The following NAV3 variants were observed in gnomAD, a reference collection of about 807,000 sequenced individuals.
The protein encoded by NAV3 is pore membrane and/or filament interacting like protein 1.
NAV3 carries 87 observed loss-of-function variants against 244.7 expected under a neutral mutation model. The ratio of observed to expected loss-of-function variants is 0.36; its 90% CI spans 0.30 to 0.42. The LOEUF (loss-of-function observed/expected upper bound fraction) is 0.42. NAV3 is among the 20% of genes least tolerant of loss of function. The pLI, the probability that NAV3 is intolerant of heterozygous loss-of-function variation, is 1.00. For synonymous variants in NAV3, 1,126 were observed against 1,042.2 expected (o/e 1.08, Z -1.55); for missense variants, 2,663 against 2,893.3 (o/e 0.92, Z 1.83).
At chr12:78,003,835 A>G (rs186086815) in intron 7 of NAV3, among the ~76,000 whole-genome samples, 2 of 152,364 alleles carry the variant, frequency 1.3e-5, no homozygotes, top group East Asian at 1.9e-4. Context: ...CTATTCTCAC[A>G]TCAACTCAGA....
At chr12:77,985,493 T>C (rs1870337528) in intron 5 of NAV3, among the ~76,000 whole-genome samples, 1 of 152,196 alleles carries the variant, frequency 6.6e-6, no homozygotes, top group African/African-American at 2.4e-5. Context: ...GTGATGGCTC[T>C]TCACTGTCAA....
At chr12:77,657,743 C>G (rs1312992449) in intron 2 of NAV3, among the ~76,000 whole-genome samples, 1 of 152,016 alleles carries the variant, frequency 6.6e-6, no homozygotes, top group Non-Finnish European at 1.5e-5. Context: ...GCAGCACATC[C>G]AAAAGCTTAT....
At chr12:77,969,816 C>T (rs566924862) in intron 5 of NAV3, among the ~76,000 whole-genome samples, 5 of 141,796 alleles carry the variant, frequency 3.5e-5, no homozygotes, top group South Asian at 2.4e-4. Flanking sequence ...GGTGACAGAG[C>T]GAGACTCTGT....
Position 78,212,245 on chromosome 12 carries a change from C to T in NAV3, c.*1728C>T, listed in dbSNP as rs576177367. ...TCAGTCATTGGAGAAGTTACCACCACACACAAAGGACAGGTTTTAAGTTTA... is the reference window on the plus strand; with the variant it reads ...TCAGTCATTGGAGAAGTTACCACCATACACAAAGGACAGGTTTTAAGTTTA... On this transcript the variant is annotated 3_prime_UTR_variant, in exon 40 of 40. Transcript: ENST00000397909. 1.3e-5 allele frequency: 2 copies of T among 152,744 alleles called. No homozygotes were observed. Among genetic ancestry groups the T allele is most frequent in the South Asian group, 4.1e-4 (2 of 4,830 alleles). The allele number at this position is 152,744 out of a possible 1,614,324, so 9.5% of individuals were successfully genotyped here.
intron 1 of NAV3, among the ~76,000 whole-genome samples, chr12:77,928,512 C>CG (rs1888458294): frequency 6.6e-6 from 1 of 151,914 alleles, no homozygotes; most frequent in Non-Finnish European, 1.5e-5. Flanking sequence ...TCCTCATTAA[C>CG]GAAAAACTTA....
At chr12:77,813,056 C>T (rs1423292037) in intron 2 of NAV3, among the ~76,000 whole-genome samples, 2 of 152,058 alleles carry the variant, frequency 1.3e-5, no homozygotes, top group East Asian at 3.9e-4. Context: ...CTCCTGGCCT[C>T]AAGTGATCCA....
chr12:77,841,620 A>G (rs1875663104), intron 1 of NAV3, among the ~76,000 whole-genome samples: 1 of 152,244 alleles, frequency 6.6e-6, no homozygotes, highest in Admixed American at 6.5e-5. Context: ...GTTGGAACAC[A>G]GCCCTGATGC....
Position 78,050,820 on chromosome 12 carries a change from T to C in NAV3, c.2189T>C (p.Ile730Thr), listed in dbSNP as rs2137246747. 6.2e-7 allele frequency: 1 copy of C among 1,613,494 alleles called. No individual in the cohort carries two copies. Among genetic ancestry groups the C allele is most frequent in the Non-Finnish European group, 8.5e-7 (1 of 1,179,634 alleles). The change falls in exon 11 of 40, where the codon ATA becomes ACA. Residue 730 changes from isoleucine (I) to threonine (T), a missense_variant. Ile to Thr is a moderately conservative substitution (Grantham distance 89). Coordinates refer to ENST00000397909, the MANE Select transcript of NAV3 (RefSeq NM_001024383.2). Reference sequence around the variant, plus strand: ...ACAACAGAAGTTAATGGAAGGACCATACCCAACTTGACAAGTCGACCCACC... The same window carrying C: ...ACAACAGAAGTTAATGGAAGGACCACACCCAACTTGACAAGTCGACCCACC... ...TVTTEVNGRTIPNLTSRPTPM... is the reference protein window; with the variant it reads ...TVTTEVNGRTTPNLTSRPTPM...
intron 1 of NAV3, among the ~76,000 whole-genome samples, chr12:77,917,882 C>T (rs370108218): frequency 5.3e-5 from 8 of 152,018 alleles, no homozygotes; most frequent in African/African-American, 1.9e-4. Context: ...GACGCTGACT[C>T]ATACAGTGAC....
At chr12:77,744,386 T>G (rs1351657272) in intron 2 of NAV3, among the ~76,000 whole-genome samples, 1 of 152,000 alleles carries the variant, frequency 6.6e-6, no homozygotes, top group East Asian at 1.9e-4. Context: ...TAATAGAGAC[T>G]ATTACTCCCA....
intron 5 of NAV3, among the ~76,000 whole-genome samples, chr12:77,978,070 T>G (rs1227277535): frequency 6.6e-6 from 1 of 152,172 alleles, no homozygotes; most frequent in East Asian, 1.9e-4. Flanking sequence ...CTTAACTAAG[T>G]CAGAATCAGT....
intron 2 of NAV3, among the ~76,000 whole-genome samples, chr12:77,775,396 A>G (rs1165929827): frequency 6.6e-6 from 1 of 151,520 alleles, no homozygotes; most frequent in Admixed American, 6.6e-5. Flanking sequence ...CCATCTTGAA[A>G]AAAAAAAAAA....
intron 9 of NAV3, among the ~76,000 whole-genome samples, chr12:78,031,240 G>A (rs1878927898): frequency 6.6e-6 from 1 of 152,190 alleles, no homozygotes; most frequent in South Asian, 2.1e-4. Context: ...TATAGCTTAA[G>A]CTCTATTGCT....
chr12:77,820,921 C>T (rs528285856), intron 2 of NAV3, among the ~76,000 whole-genome samples: 2 of 152,054 alleles, frequency 1.3e-5, no homozygotes, highest in South Asian at 4.1e-4. Context: ...GAGTCATAAT[C>T]AGATCTTATG....
At chr12:77,916,717 G>T (rs1217200828) in intron 1 of NAV3, among the ~76,000 whole-genome samples, 4 of 151,986 alleles carry the variant, frequency 2.6e-5, no homozygotes, top group African/African-American at 9.7e-5. Context: ...AGTTGACTCA[G>T]AAGAGGTGCT....
intron 1 of NAV3, among the ~76,000 whole-genome samples, chr12:77,879,186 T>C (rs1479033): frequency 0.13 from 20,520 of 152,086 alleles, 1,492 homozygotes; most frequent in East Asian, 0.22. Context: ...CCTGCAAATT[T>C]CCCAGGCTCA....
intron 2 of NAV3, among the ~76,000 whole-genome samples, chr12:77,646,940 C>G (rs912338691): frequency 6.6e-6 from 1 of 152,044 alleles, no homozygotes; most frequent in African/African-American, 2.4e-5. Context: ...TCCGAGCTTG[C>G]TGATACTTGA....
At chr12:77,579,904 T>TAA (rs779477052) in intron 2 of NAV3, among the ~76,000 whole-genome samples, 26 of 152,330 alleles carry the variant, frequency 1.7e-4, no homozygotes, top group Admixed American at 7.2e-4. Context: ...TCATTTGTGT[T>TAA]ACTTCTTAAA....
chr12:78,151,130 C>G (rs1957067995), intron 22 of NAV3, among the ~76,000 whole-genome samples: 1 of 151,948 alleles, frequency 6.6e-6, no homozygotes, highest in Non-Finnish European at 1.5e-5. Context: ...TCATGCTAGT[C>G]TTTGTGTTAA....
Sources: allele counts gnomAD v4.1 joint callset (sites outside exome capture counted in the v4.1 genomes callset), GRCh38; gene constraint gnomAD v4.1.1; transcripts MANE v1.5; gene names NCBI Gene and HGNC (gene_info 2026-07-23, HGNC 2026-07-21).